The following ARL5A variants were observed in gnomAD, a reference collection of about 807,000 sequenced individuals.
ARL5A encodes the protein ADP-ribosylation factor-like protein 5A.
ARL5A carries 18 observed loss-of-function variants against 25.9 expected under a neutral mutation model. The observed-to-expected ratio is 0.69, with a 90% CI of 0.48 to 1.03. The LOEUF (loss-of-function observed/expected upper bound fraction) is 1.03, where lower values mean the gene tolerates loss of function less well. Ranked by LOEUF, ARL5A falls within the 50% of genes least tolerant of loss-of-function variation. The probability of loss-of-function intolerance (pLI) is 0.00; values close to 1 mark genes in which losing one functional copy is unlikely to be tolerated. For synonymous variants in ARL5A, 61 were observed against 67.5 expected (o/e 0.90, Z 0.47); for missense variants, 170 against 211.9 (o/e 0.80, Z 1.23).
intron 4 of ARL5A, among the ~76,000 whole-genome samples, chr2:151,809,184 T>C (rs1216883687): frequency 6.6e-6 from 1 of 152,234 alleles, no homozygotes; most frequent in Non-Finnish European, 1.5e-5. Flanking sequence ...GCTGAAGTCT[T>C]ATATAGGTCA....
At chr2:151,806,795 T>C in intron 5 of ARL5A, 26 bp downstream of exon 5, 1 of 1,578,980 alleles carries the variant, frequency 6.3e-7, no homozygotes, top group Non-Finnish European at 8.6e-7. Context: ...AAATGTTCGA[T>C]AACATTTAAG....
Position 151,828,196 on chromosome 2 carries a change from C to CA in ARL5A, c.-21_-20insT, listed in dbSNP as rs767938677. ...TCCCATTCTCGGGCAGCGGACCCCC[C>CA]CCCTCCAGACACCCGGGCCGCCTGG... On this transcript the variant is annotated 5_prime_UTR_variant, in exon 1 of 6. Coordinates refer to ENST00000295087, the MANE Select transcript of ARL5A (RefSeq NM_012097.4). 7.2e-5 allele frequency: 115 copies of CA among 1,605,164 alleles called. No individual in the cohort carries two copies. The Admixed American group carries it at 1.4e-3, about 19-fold the overall frequency.
intron 4 of ARL5A, 76 bp from the exon 5 acceptor site, chr2:151,807,048 C>T: frequency 7.3e-7 from 1 of 1,362,134 alleles, no homozygotes; most frequent in Non-Finnish European, 1.0e-6. Context: ...GAATCTTTTT[C>T]ACAATCTTAG....
intron 4 of ARL5A, among the ~76,000 whole-genome samples, chr2:151,810,796 T>C (rs2099830737): frequency 1.3e-5 from 2 of 152,154 alleles, no homozygotes; most frequent in African/African-American, 2.4e-5. Flanking sequence ...AAAAATCAGA[T>C]AGGGAGACTA....
At chr2:151,811,650 T>C (rs2099830864) in intron 4 of ARL5A, among the ~76,000 whole-genome samples, 1 of 152,170 alleles carries the variant, frequency 6.6e-6, no homozygotes, top group Non-Finnish European at 1.5e-5. Context: ...CAGCTCACTG[T>C]AGCCTTGACC....
intron 1 of ARL5A, 120 bp from the exon 2 acceptor site, chr2:151,815,319 C>T: frequency 1.4e-6 from 1 of 735,364 alleles, no homozygotes; most frequent in Non-Finnish European, 2.2e-6. Flanking sequence ...GTGCATGGCA[C>T]TTTATACTTT....
intron 5 of ARL5A, among the ~76,000 whole-genome samples, 161 bp from the exon 6 acceptor site, chr2:151,803,485 A>C (rs2099829695): frequency 6.6e-6 from 1 of 152,200 alleles, no homozygotes; most frequent in African/African-American, 2.4e-5. Flanking sequence ...GTGAAGCCAT[A>C]TTCTCATACA....
intron 1 of ARL5A, among the ~76,000 whole-genome samples, chr2:151,820,424 C>T (rs1246821920): frequency 6.6e-6 from 1 of 152,072 alleles, no homozygotes; most frequent in East Asian, 1.9e-4. Flanking sequence ...CTTTGGGGGG[C>T]TGAGGCGGGT....
chr2:151,803,831 A>T (rs1312473066), intron 5 of ARL5A, among the ~76,000 whole-genome samples: 1 of 152,244 alleles, frequency 6.6e-6, no homozygotes, highest in African/African-American at 2.4e-5. Flanking sequence ...TAAAATATCA[A>T]TACTCTGCAT....
Position 151,800,136 on chromosome 2 carries a change from T to C in ARL5A, c.*3140A>G, listed in dbSNP as rs1301947326. On this transcript the variant is annotated 3_prime_UTR_variant, in exon 6 of 6. Transcript: ENST00000295087. ...CAAAGCAGAGCCTATTACACGTACA[T>C]TCCCAAAAATGCCTCCAGAGAAAAC... The C allele has an allele frequency of 6.6e-6, 1 of 152,206 alleles. No individual in the cohort carries two copies. The highest frequency in any genetic ancestry group is 1.5e-5 in the Non-Finnish European group (1 of 68,048). The allele number at this position is 152,206 out of a possible 1,614,324, so 9.4% of individuals were successfully genotyped here. A position where few individuals can be genotyped will look rare whatever the true frequency, so the allele number is the denominator to read the frequency against.
chr2:151,806,649 A>G (rs924213698), intron 5 of ARL5A, among the ~76,000 whole-genome samples, 172 bp downstream of exon 5: 1 of 152,180 alleles, frequency 6.6e-6, no homozygotes, highest in African/African-American at 2.4e-5. Flanking sequence ...TTGTTTTACT[A>G]TTTACAGAAC....
At chr2:151,813,171 C>T (rs2099831074) in intron 3 of ARL5A, among the ~76,000 whole-genome samples, 1 of 152,180 alleles carries the variant, frequency 6.6e-6, no homozygotes, top group African/African-American at 2.4e-5. Context: ...TTCTGACTGC[C>T]TATTAGTAAC....
chr2:151,816,342 G>A (rs898452416), intron 1 of ARL5A, among the ~76,000 whole-genome samples: 2 of 152,174 alleles, frequency 1.3e-5, no homozygotes, highest in African/African-American at 4.8e-5. Context: ...CAGCCTGGTT[G>A]AACCTACAGA....
At chr2:151,827,959 G>A (rs1356932084) in intron 1 of ARL5A, 172 bp downstream of exon 1, 1 of 633,880 alleles carries the variant, frequency 1.6e-6, no homozygotes, top group Middle Eastern at 2.6e-4. Context: ...CCATCCCCAA[G>A]CTCGGGAGCC....
At chr2:151,806,643 T>C (rs897377054) in intron 5 of ARL5A, among the ~76,000 whole-genome samples, 178 bp downstream of exon 5, 2 of 152,168 alleles carry the variant, frequency 1.3e-5, no homozygotes, top group African/African-American at 4.8e-5. Context: ...TTTATATTGT[T>C]TTACTATTTA....
intron 3 of ARL5A, among the ~76,000 whole-genome samples, chr2:151,812,703 T>C (rs1325568384): frequency 3.3e-5 from 5 of 152,144 alleles, no homozygotes; most frequent in African/African-American, 9.7e-5. Flanking sequence ...TAAACTAGTA[T>C]CTTGAATGCT....
At chr2:151,816,807 G>T (rs1009017772) in intron 1 of ARL5A, among the ~76,000 whole-genome samples, 2 of 152,220 alleles carry the variant, frequency 1.3e-5, no homozygotes, top group Non-Finnish European at 2.9e-5. Context: ...CTGGGCAGTA[G>T]CAATAAGCTG....
At position 151,810,944 on chromosome 2, in the gene ARL5A, G is replaced by GA. The variant is rs144832360; in HGVS notation, c.339+1412dup. On this transcript the variant is annotated intron_variant, in intron 4 of 5. Coordinates refer to ENST00000295087, the MANE Select transcript of ARL5A (RefSeq NM_012097.4). ...TTTTTGCAAAATAGGAATTTGAAAA[G>GA]AAAAAAAAACAAACAAAAAAAAGCC... 4.1e-3 allele frequency among the ~76,000 whole-genome samples: 613 copies of GA among 148,930 alleles called. 10 individuals are homozygous for GA. The East Asian group carries it at 0.058, about 14-fold the overall frequency.
chr2:151,806,703 G>A (rs572049466), intron 5 of ARL5A, 118 bp downstream of exon 5: 65 of 1,013,334 alleles, frequency 6.4e-5, no homozygotes, highest in Non-Finnish European at 8.1e-5. Flanking sequence ...TACAGCTTAC[G>A]TCTGTCCCTT....
Sources: gnomAD v4.1 joint callset for allele counts (sites outside exome capture counted in the v4.1 genomes callset) on GRCh38, gnomAD v4.1.1 for gene constraint, MANE v1.5 for transcripts, NCBI Gene and HGNC (gene_info 2026-07-23, HGNC 2026-07-21) for gene names.